MRPS33: variants seen among roughly 807,000 people sequenced by gnomAD.
MRPS33 encodes small ribosomal subunit protein mS33.
In MRPS33, 11 loss-of-function variants were observed where a neutral mutation model predicts 11.2. That is an observed-to-expected ratio of 0.99 (90% CI 0.62 to 1.63). The LOEUF (loss-of-function observed/expected upper bound fraction) is 1.63. MRPS33 is among the 40% of genes most tolerant of loss of function. The probability of loss-of-function intolerance (pLI) is 0.00; values close to 1 mark genes in which losing one functional copy is unlikely to be tolerated. For missense variants in MRPS33, 109 were observed against 127.8 expected, an observed-to-expected ratio of 0.85 and a Z score of 0.71; for synonymous variants, 46 against 44.0, an observed-to-expected ratio of 1.05 and a Z score of -0.18.
rs1330661017 is a variant in MRPS33 at position 141,005,697 on chromosome 7, T to C, written c.*733A>G. ...GCTTTCTTTAAACTCCCTAATGTGATTTGGGCTTCTGGCTATCTCTCTCTG... is the reference window on the plus strand; with the variant it reads ...GCTTTCTTTAAACTCCCTAATGTGACTTGGGCTTCTGGCTATCTCTCTCTG... On this transcript the variant is annotated 3_prime_UTR_variant, in exon 3 of 3. Transcript: ENST00000324787. 1.3e-5 allele frequency: 2 copies of C among 152,242 alleles called. No individual in the cohort carries two copies. Among genetic ancestry groups the C allele is most frequent in the African/African-American group, 4.8e-5 (2 of 41,434 alleles). The allele number at this position is 152,242 out of a possible 1,614,324, so 9.4% of individuals were successfully genotyped here.
intron 2 of MRPS33, among the ~76,000 whole-genome samples, chr7:141,009,485 GACATACACAC>G (rs1160392925): frequency 2.0e-5 from 3 of 151,608 alleles, no homozygotes; most frequent in Non-Finnish European, 4.4e-5. Flanking sequence ...CTACTCCCTA[GACATACACAC>G]ACATACAAAC....
At chr7:141,009,801 T>C (rs990581740) in intron 2 of MRPS33, 2 of 149,386 alleles carry the variant, frequency 1.3e-5, no homozygotes, top group Non-Finnish European at 2.9e-5. Context: ...TTTCTCTGCA[T>C]TGTTTTTTTT....
At position 141,003,736 on chromosome 7, in the gene MRPS33, A is replaced by G. The variant is rs927869964; in HGVS notation, c.*2694T>C. 1.3e-5 allele frequency: 2 copies of G among 152,280 alleles called. No homozygotes were observed. Among genetic ancestry groups the G allele is most frequent in the Non-Finnish European group, 2.9e-5 (2 of 68,058 alleles). 9.4% of individuals were successfully genotyped at this position (152,280 alleles called of 1,614,324 possible). ...ATCTTTCCCAAAAGCTGGAGATCAC[A>G]TAATTCAAACATCTGCTGAGCTACA... On this transcript the variant is annotated 3_prime_UTR_variant, in exon 3 of 3. Transcript: ENST00000324787.
chr7:141,008,550 C>A (rs928071864), intron 2 of MRPS33, among the ~76,000 whole-genome samples: 9 of 152,060 alleles, frequency 5.9e-5, no homozygotes, highest in African/African-American at 2.2e-4. Flanking sequence ...GTGGAAGGTA[C>A]GTAAGAAATA....
At chr7:141,012,194 A>AAAAAAAAAAT (rs1820692889) in intron 1 of MRPS33, among the ~76,000 whole-genome samples, 1 of 149,728 alleles carries the variant, frequency 6.7e-6, no homozygotes, top group Non-Finnish European at 1.5e-5. Flanking sequence ...AAAAAAAAAA[A>AAAAAAAAAAT]GCAGAGGCTG....
At chr7:141,013,764 C>T (rs920769761) in intron 1 of MRPS33, among the ~76,000 whole-genome samples, 1 of 152,168 alleles carries the variant, frequency 6.6e-6, no homozygotes, top group African/African-American at 2.4e-5. Context: ...AAATTAAGCC[C>T]ACATGAGAAG....
chr7:141,005,772 T>C lies in MRPS33; in HGVS notation c.*658A>G, dbSNP rs1820510118. 2.0e-5 allele frequency: 3 copies of C among 152,242 alleles called. No homozygotes were observed. Among genetic ancestry groups the C allele is most frequent in the Admixed American group, 2.0e-4 (3 of 15,272 alleles). 9.4% of individuals were successfully genotyped at this position (152,242 alleles called of 1,614,324 possible). ...TATAGAAGTCTGGCTTTTTCCTTTGTAGCATGTAATACAATTGTATGTAAT... is the reference window on the plus strand; with the variant it reads ...TATAGAAGTCTGGCTTTTTCCTTTGCAGCATGTAATACAATTGTATGTAAT... On this transcript the variant is annotated 3_prime_UTR_variant, in exon 3 of 3. Coordinates refer to ENST00000324787, the MANE Select transcript of MRPS33 (RefSeq NM_053035.3).
rs1820498735 is a variant in MRPS33, at chr7:141,005,312, T to C, written c.*1118A>G. 2 of 152,212 alleles carry C rather than the reference T, an allele frequency of 1.3e-5. No individual in the cohort carries two copies. Among genetic ancestry groups the C allele is most frequent in the Admixed American group, 6.5e-5 (1 of 15,290 alleles). 9.4% of individuals were successfully genotyped at this position (152,212 alleles called of 1,614,324 possible). On this transcript the variant is annotated 3_prime_UTR_variant, in exon 3 of 3. Transcript: ENST00000324787. Reference sequence around the variant, plus strand: ...CTGCCTCAAACCCCTTTCTCACCATTTTCCTTTTGGCAACCTCTTATTTAT... The same window carrying C: ...CTGCCTCAAACCCCTTTCTCACCATCTTCCTTTTGGCAACCTCTTATTTAT...
intron 1 of MRPS33, chr7:141,014,460 T>G (rs1384609624): frequency 6.6e-6 from 1 of 152,224 alleles, no homozygotes; most frequent in Non-Finnish European, 1.5e-5. Flanking sequence ...CGATCATGCC[T>G]GACTGTGATG....
chr7:141,010,236 T>G (rs1042163160), intron 2 of MRPS33, 183 bp downstream of exon 2: 1 of 594,002 alleles, frequency 1.7e-6, no homozygotes, highest in Admixed American at 3.2e-5. Flanking sequence ...AATTTCCTTT[T>G]TTTTTTTGGT....
At chr7:141,012,192 A>AAAAAAAAAAAAAC (rs1465577337) in intron 1 of MRPS33, among the ~76,000 whole-genome samples, 3 of 148,510 alleles carry the variant, frequency 2.0e-5, no homozygotes, top group Non-Finnish European at 3.0e-5. Flanking sequence ...AAAAAAAAAA[A>AAAAAAAAAAAAAC]AAGCAGAGGC....
intron 1 of MRPS33, among the ~76,000 whole-genome samples, chr7:141,011,028 C>T (rs1820663018): frequency 6.6e-6 from 1 of 152,194 alleles, no homozygotes; most frequent in Admixed American, 6.5e-5. Flanking sequence ...CTTCAGAAAA[C>T]ACCCACCTAA....
chr7:141,010,319 TA>T, intron 2 of MRPS33, 99 bp downstream of exon 2: 1 of 1,172,442 alleles, frequency 8.5e-7, no homozygotes, highest in East Asian at 2.4e-5. Context: ...TGGGCTCTAT[TA>T]TAAGAACAAA....
intron 1 of MRPS33, 134 bp from the exon 2 acceptor site, chr7:141,010,794 T>A: frequency 1.5e-6 from 1 of 673,278 alleles, no homozygotes; most frequent in Non-Finnish European, 2.5e-6. Flanking sequence ...TGCCTTGGAG[T>A]GGAGAAGTAT....
rs141152335 is a variant in MRPS33, at chr7:141,006,784, C to A, written c.216-249G>T. On this transcript the variant is annotated intron_variant, in intron 2 of 2. Coordinates refer to ENST00000324787, the MANE Select transcript of MRPS33 (RefSeq NM_053035.3). ...CACTGCCACAAGCTGCAGGGAAATTCCCAGGCCAGCCTACATAAACCTACA... is the reference window on the plus strand; with the variant it reads ...CACTGCCACAAGCTGCAGGGAAATTACCAGGCCAGCCTACATAAACCTACA... 7.9e-4 allele frequency among the ~76,000 whole-genome samples: 120 copies of A among 152,272 alleles called. 1 individual carries two copies. Among genetic ancestry groups the A allele is most frequent in the Non-Finnish European group, 1.4e-3 (96 of 68,036 alleles).
intron 1 of MRPS33, among the ~76,000 whole-genome samples, chr7:141,011,155 CAG>C (rs1321878253): frequency 6.6e-6 from 1 of 152,206 alleles, no homozygotes; most frequent in East Asian, 1.9e-4. Context: ...TCAAGGGCTC[CAG>C]AAGGCTCTGA....
chr7:141,008,898 G>A (rs764859909), intron 2 of MRPS33, among the ~76,000 whole-genome samples: 12 of 150,980 alleles, frequency 7.9e-5, no homozygotes, highest in African/African-American at 2.0e-4. Flanking sequence ...GAGTTCAAGC[G>A]ATTCTCCTGC....
In MRPS33 at chr7:141,006,531, C is replaced by T; in HGVS notation, c.220G>A (p.Glu74Lys). ...TGCTCATCCATAAAATCCTGATGCT[C>T]ATCTCTGAATGAAGAAGGAAAAAAT... Reference protein sequence around the residue: ...TLRFLGLYRDEHQDFMDEQKR... With the variant: ...TLRFLGLYRDKHQDFMDEQKR... Residue 74 changes from glutamate (E) to lysine (K), a missense_variant, in exon 3 of 3, where the codon GAG becomes AAG. By Grantham distance (56) the Glu-to-Lys change is moderately conservative. Coordinates refer to ENST00000324787, the MANE Select transcript of MRPS33 (RefSeq NM_053035.3). The T allele has an allele frequency of 6.2e-7, 1 of 1,613,018 alleles. No individual in the cohort carries two copies. The highest frequency in any genetic ancestry group is 8.5e-7 in the Non-Finnish European group (1 of 1,179,576).
rs1260405235 is a variant in MRPS33 at position 141,006,374 on chromosome 7, T to A, written c.*56A>T. The A allele has an allele frequency of 7.1e-7, 1 of 1,414,882 alleles. No individual in the cohort carries two copies. The highest frequency in any genetic ancestry group is 9.9e-7 in the Non-Finnish European group (1 of 1,009,528). The allele number at this position is 1,414,882 out of a possible 1,614,324, so 87.6% of individuals were successfully genotyped here. ...CTCCAATAGGTGGAAAGACAATAAATGCACTTTCTTCTCTCCGCCACTGAG... is the reference window on the plus strand; with the variant it reads ...CTCCAATAGGTGGAAAGACAATAAAAGCACTTTCTTCTCTCCGCCACTGAG... On this transcript the variant is annotated 3_prime_UTR_variant, in exon 3 of 3. Coordinates refer to ENST00000324787, the MANE Select transcript of MRPS33 (RefSeq NM_053035.3).
Sources: allele counts gnomAD v4.1 joint callset (sites outside exome capture counted in the v4.1 genomes callset), GRCh38; gene constraint gnomAD v4.1.1; transcripts MANE v1.5; gene names NCBI Gene and HGNC (gene_info 2026-07-23, HGNC 2026-07-21).